The following COMMD10 variants were observed in gnomAD, a reference collection of about 807,000 sequenced individuals.
The protein encoded by COMMD10 is COMM domain containing 10.
COMMD10 carries 33 observed loss-of-function variants against 28.9 expected under a neutral mutation model. The ratio of observed to expected loss-of-function variants is 1.14; its 90% CI spans 0.87 to 1.53. COMMD10 has a LOEUF of 1.53. Among genes scored for constraint, COMMD10 ranks in the 40% most tolerant of loss-of-function variants. The pLI is 0.00. For synonymous variants in COMMD10, 110 were observed against 81.7 expected (o/e 1.35, Z -1.87); for missense variants, 310 against 233.4 (o/e 1.33, Z -2.14).
chr5:116,278,794 C>CT (rs1312744359), intron 5 of COMMD10, among the ~76,000 whole-genome samples: 1 of 151,710 alleles, frequency 6.6e-6, no homozygotes, highest in African/African-American at 2.4e-5. Flanking sequence ...GAGGTGCTAC[C>CT]TTTTTAAGCT....
chr5:116,211,174 A>G (rs1463219597), intron 5 of COMMD10, among the ~76,000 whole-genome samples: 1 of 152,120 alleles, frequency 6.6e-6, no homozygotes, highest in Non-Finnish European at 1.5e-5. Context: ...ATGTATATGT[A>G]TGTATATTTG....
chr5:116,248,990 C>T (rs17139276), intron 5 of COMMD10, among the ~76,000 whole-genome samples: 56,598 of 151,708 alleles, frequency 0.37, 13,156 homozygotes, highest in African/African-American at 0.67. Context: ...GTACTGTGCC[C>T]ATTATTATAC....
chr5:116,171,290 G>A (rs1018143744), intron 5 of COMMD10, among the ~76,000 whole-genome samples: 7 of 152,092 alleles, frequency 4.6e-5, no homozygotes, highest in Non-Finnish European at 2.9e-5. Context: ...ACCATCTCAC[G>A]CCAGTTGGAA....
chr5:116,247,501 T>G lies in COMMD10; in HGVS notation c.511-44016T>G, dbSNP rs804140. On this transcript the variant is annotated intron_variant, in intron 5 of 6. Coordinates refer to ENST00000274458, the MANE Select transcript of COMMD10 (RefSeq NM_016144.4). Reference sequence around the variant, plus strand: ...CAAAGGAATATATTAATAAACCATTTTATTATAAAGACACATACGTATGTT... The same window carrying G: ...CAAAGGAATATATTAATAAACCATTGTATTATAAAGACACATACGTATGTT... Among the ~76,000 whole-genome samples the G allele has an allele frequency of 1.6e-3, 236 of 151,870 alleles. 2 individuals are homozygous for G. The East Asian group carries it at 0.041, about 26-fold the overall frequency.
At chr5:116,256,190 A>G (rs1421578350) in intron 5 of COMMD10, among the ~76,000 whole-genome samples, 3 of 151,734 alleles carry the variant, frequency 2.0e-5, no homozygotes, top group Admixed American at 1.3e-4. Context: ...AAAAGAATCT[A>G]CAGTATAATG....
intron 4 of COMMD10, among the ~76,000 whole-genome samples, chr5:116,104,891 T>A (rs770888924): frequency 2.6e-5 from 4 of 152,224 alleles, no homozygotes; most frequent in Non-Finnish European, 5.9e-5. Context: ...AGTGCTGGGA[T>A]TACAGGCGTG....
chr5:116,264,346 C>T (rs918153675), intron 5 of COMMD10, among the ~76,000 whole-genome samples: 1 of 151,726 alleles, frequency 6.6e-6, no homozygotes, highest in Non-Finnish European at 1.5e-5. Flanking sequence ...AGTTTATTCC[C>T]TTTAGTAGTT....
At position 116,137,690 on chromosome 5, in the gene COMMD10, G is replaced by GA. The variant is rs531455002; in HGVS notation, c.510+3517dup. On this transcript the variant is annotated intron_variant, in intron 5 of 6. Transcript: ENST00000274458. ...TCTTTTTCACTTCTAACATACAAAT[G>GA]AAAAATGCAGCCTGCAGTGAAGTTT... 1.2e-4 allele frequency among the ~76,000 whole-genome samples: 18 copies of GA among 152,002 alleles called. No individual in the cohort carries two copies. In the South Asian group the frequency reaches 3.7e-3, roughly 31 times the overall value.
chr5:116,278,878 A>G (rs1054484739), intron 5 of COMMD10, among the ~76,000 whole-genome samples: 1 of 151,820 alleles, frequency 6.6e-6, no homozygotes, highest in Non-Finnish European at 1.5e-5. Flanking sequence ...GACTTATAAG[A>G]CCTGTAAGAC....
intron 4 of COMMD10, among the ~76,000 whole-genome samples, chr5:116,127,940 A>AAT (rs1561618270): frequency 1.4e-4 from 21 of 151,792 alleles, no homozygotes; most frequent in African/African-American, 3.1e-4. Context: ...ATAATAATAA[A>AAT]AAAGGTGGGA....
At chr5:116,182,306 G>C (rs187234671) in intron 5 of COMMD10, among the ~76,000 whole-genome samples, 9 of 130,306 alleles carry the variant, frequency 6.9e-5, no homozygotes, top group African/African-American at 3.6e-4. Context: ...GGAAGGCAGG[G>C]AGGGAGGTGA....
chr5:116,112,004 T>C (rs1751060268), intron 4 of COMMD10, among the ~76,000 whole-genome samples: 1 of 152,206 alleles, frequency 6.6e-6, no homozygotes, highest in Non-Finnish European at 1.5e-5. Flanking sequence ...CTGACACCTT[T>C]AATATCAGGT....
chr5:116,173,918 A>C (rs1199083243), intron 5 of COMMD10, among the ~76,000 whole-genome samples: 1 of 151,268 alleles, frequency 6.6e-6, no homozygotes, highest in Non-Finnish European at 1.5e-5. Flanking sequence ...TTCTTTATTC[A>C]ACAAACATCT....
chr5:116,168,393 C>G (rs1336596500), intron 5 of COMMD10, among the ~76,000 whole-genome samples: 1 of 152,124 alleles, frequency 6.6e-6, no homozygotes, highest in East Asian at 1.9e-4. Context: ...TAGTGGGAGA[C>G]TTTAACACCA....
At chr5:116,122,020 C>G (rs1751451371) in intron 4 of COMMD10, among the ~76,000 whole-genome samples, 1 of 152,134 alleles carries the variant, frequency 6.6e-6, no homozygotes, top group Admixed American at 6.6e-5. Flanking sequence ...GCTTTTGTTG[C>G]CATTGCTTTT....
At chr5:116,113,595 A>G (rs529207619) in intron 4 of COMMD10, among the ~76,000 whole-genome samples, 6 of 151,926 alleles carry the variant, frequency 3.9e-5, no homozygotes, top group African/African-American at 7.2e-5. Flanking sequence ...TGGAGTTTCC[A>G]TGTATTTTAT....
At chr5:116,110,752 A>G (rs1751015815) in intron 4 of COMMD10, among the ~76,000 whole-genome samples, 1 of 152,204 alleles carries the variant, frequency 6.6e-6, no homozygotes, top group South Asian at 2.1e-4. Context: ...TCATAGCAAA[A>G]GGTGAAGGGG....
At chr5:116,092,778 G>C (rs1345651344) in intron 4 of COMMD10, 78 bp downstream of exon 4, 1 of 1,113,994 alleles carries the variant, frequency 9.0e-7, no homozygotes, top group Non-Finnish European at 1.2e-6. Flanking sequence ...TTTTTAAAGT[G>C]ATAATATTTT....
At chr5:116,166,849 A>C (rs751187013) in intron 5 of COMMD10, among the ~76,000 whole-genome samples, 6 of 152,260 alleles carry the variant, frequency 3.9e-5, no homozygotes, top group African/African-American at 1.4e-4. Context: ...AAGGTCACCA[A>C]CATCAAAGAC....
Sources: allele counts gnomAD v4.1 joint callset (sites outside exome capture counted in the v4.1 genomes callset), GRCh38; gene constraint gnomAD v4.1.1; transcripts MANE v1.5; gene names NCBI Gene and HGNC (gene_info 2026-07-23, HGNC 2026-07-21).